PHF21B: variants seen among roughly 807,000 people sequenced by gnomAD.
The protein encoded by PHF21B is PHD finger protein 21B, also known as PHD finger protein 4.
A neutral mutation model predicts 62.2 loss-of-function variants in PHF21B; 22 were observed. The ratio of observed to expected loss-of-function variants is 0.35; its 90% CI spans 0.25 to 0.51. The LOEUF is 0.51. Ranked by LOEUF, PHF21B falls within the 20% of genes least tolerant of loss-of-function variation. The pLI is 0.97. For synonymous variants in PHF21B, 341 were observed against 314.7 expected, an observed-to-expected ratio of 1.08 and a Z score of -0.88; for missense variants, 701 against 707.9, an observed-to-expected ratio of 0.99 and a Z score of 0.11.
chr22:44,925,688 C>T (rs1601605494), intron 2 of PHF21B, among the ~76,000 whole-genome samples: 2 of 152,348 alleles, frequency 1.3e-5, no homozygotes, highest in South Asian at 4.1e-4. Context: ...TTGGCTGGCA[C>T]AGCCTGGCGG....
chr22:44,988,838 C>T (rs1393067148), intron 2 of PHF21B, among the ~76,000 whole-genome samples: 1 of 152,202 alleles, frequency 6.6e-6, no homozygotes, highest in Non-Finnish European at 1.5e-5. Context: ...CTACTGCTCA[C>T]AGTTCTGGAG....
chr22:44,995,189 T>C (rs1021223993), intron 2 of PHF21B, among the ~76,000 whole-genome samples: 3 of 152,056 alleles, frequency 2.0e-5, no homozygotes, highest in Non-Finnish European at 4.4e-5. Context: ...CAGGATGTAA[T>C]AAAATGTGTT....
Position 44,900,106 on chromosome 22 carries a change from TCTC to T in PHF21B, c.832-4026_832-4024del, listed in dbSNP as rs200780799. On this transcript the variant is annotated intron_variant, in intron 5 of 12. Transcript: ENST00000313237. Reference sequence around the variant, plus strand: ...CCACTTCCCACCTTCTTTCCCTCCTTCTCCTCTCAATTTTACTTACATGAATCT... The same window carrying T: ...CCACTTCCCACCTTCTTTCCCTCCTTCTCTCAATTTTACTTACATGAATCT... Among the ~76,000 whole-genome samples, 30 of 152,218 alleles carry T rather than the reference TCTC, an allele frequency of 2.0e-4. 1 individual carries two copies. In the East Asian group the frequency reaches 5.2e-3, roughly 26 times the overall value.
intron 2 of PHF21B, among the ~76,000 whole-genome samples, chr22:44,968,075 G>T (rs2072563928): frequency 6.6e-6 from 1 of 152,104 alleles, no homozygotes; most frequent in Non-Finnish European, 1.5e-5. Context: ...GTGACTGTCA[G>T]GCGTCTTCAG....
intron 4 of PHF21B, 66 bp from the exon 5 acceptor site, chr22:44,914,154 G>T: frequency 1.7e-6 from 1 of 574,334 alleles, no homozygotes; most frequent in South Asian, 2.1e-5. Context: ...GAGGTAGCTG[G>T]TATGGCACAG....
At chr22:44,958,390 T>G (rs1463988196) in intron 2 of PHF21B, among the ~76,000 whole-genome samples, 1 of 152,202 alleles carries the variant, frequency 6.6e-6, no homozygotes, top group African/African-American at 2.4e-5. Flanking sequence ...CTCCGAGAGC[T>G]TTCTCAACCC....
intron 2 of PHF21B, among the ~76,000 whole-genome samples, chr22:44,947,603 T>C (rs1216015460): frequency 1.3e-5 from 2 of 152,166 alleles, no homozygotes; most frequent in Admixed American, 6.5e-5. Flanking sequence ...AGGCACCAAA[T>C]TCTGCCTCTC....
chr22:44,934,706 C>T (rs902874485), intron 2 of PHF21B, among the ~76,000 whole-genome samples: 1 of 152,098 alleles, frequency 6.6e-6, no homozygotes, highest in African/African-American at 2.4e-5. Context: ...CCTGGAGTCC[C>T]CTGAGTCTGG....
intron 1 of PHF21B, 151 bp from the exon 2 acceptor site, chr22:45,008,761 G>T: frequency 8.7e-7 from 1 of 1,149,186 alleles, no homozygotes; most frequent in Non-Finnish European, 1.1e-6. Flanking sequence ...CTGCACGCGC[G>T]GCGGCCGGGC....
intron 2 of PHF21B, among the ~76,000 whole-genome samples, chr22:44,997,967 C>T (rs1300672123): frequency 6.6e-6 from 1 of 152,232 alleles, no homozygotes; most frequent in African/African-American, 2.4e-5. Context: ...CACAGCTGGC[C>T]CCTACCCTCA....
intron 2 of PHF21B, among the ~76,000 whole-genome samples, chr22:44,966,800 A>G (rs1261699398): frequency 6.6e-6 from 1 of 152,202 alleles, no homozygotes; most frequent in Non-Finnish European, 1.5e-5. Flanking sequence ...TCCAAGATGG[A>G]AAAGGTAGCA....
At chr22:44,900,423 C>T (rs535862018) in intron 5 of PHF21B, among the ~76,000 whole-genome samples, 1 of 152,262 alleles carries the variant, frequency 6.6e-6, no homozygotes, top group East Asian at 1.9e-4. Context: ...GCCTCAGTCT[C>T]CCGAGTAGCT....
intron 2 of PHF21B, among the ~76,000 whole-genome samples, chr22:44,943,267 A>G (rs1310277777): frequency 1.3e-5 from 2 of 152,086 alleles, no homozygotes; most frequent in Non-Finnish European, 2.9e-5. Context: ...CCTGTCCCCC[A>G]GTAGCACAGC....
At position 44,944,456 on chromosome 22, in the gene PHF21B, G is replaced by A. The variant is rs117965326; in HGVS notation, c.121-23966C>T. On this transcript the variant is annotated intron_variant, in intron 2 of 12. Coordinates refer to ENST00000313237, the MANE Select transcript of PHF21B (RefSeq NM_138415.5). ...CACCCTCTGGATTCTGGGAGCTATCGAGACTTAATGAGGGCCACCTGGAGG... is the reference window on the plus strand; with the variant it reads ...CACCCTCTGGATTCTGGGAGCTATCAAGACTTAATGAGGGCCACCTGGAGG... 4.5e-3 allele frequency among the ~76,000 whole-genome samples: 678 copies of A among 152,244 alleles called. 5 individuals are homozygous for A. The highest frequency in any genetic ancestry group is 6.0e-3 in the Non-Finnish European group (406 of 68,020).
chr22:44,926,623 G>A (rs953187218), intron 2 of PHF21B, among the ~76,000 whole-genome samples: 15 of 152,232 alleles, frequency 9.9e-5, no homozygotes, highest in African/African-American at 2.7e-4. Flanking sequence ...TGAGGAGGCC[G>A]AGGACAGCCA....
At chr22:44,964,476 CTCCGA>C (rs2072486249) in intron 2 of PHF21B, among the ~76,000 whole-genome samples, 1 of 151,404 alleles carries the variant, frequency 6.6e-6, no homozygotes, top group African/African-American at 2.4e-5. Flanking sequence ...ACTCCCAAAC[CTCCGA>C]TCTTCAGCAG....
chr22:44,928,735 G>A (rs1324372036), intron 2 of PHF21B, among the ~76,000 whole-genome samples: 4 of 152,192 alleles, frequency 2.6e-5, no homozygotes, highest in Admixed American at 6.5e-5. Context: ...AAGAAACCAG[G>A]ACAATTGTCT....
intron 2 of PHF21B, among the ~76,000 whole-genome samples, chr22:44,932,735 G>A (rs1053643498): frequency 1.3e-5 from 2 of 152,246 alleles, no homozygotes; most frequent in Non-Finnish European, 2.9e-5. Flanking sequence ...GGCCCAGCAG[G>A]TGCTCCTCTC....
chr22:44,962,533 C>T (rs955905848), intron 2 of PHF21B, among the ~76,000 whole-genome samples: 1 of 152,158 alleles, frequency 6.6e-6, no homozygotes, highest in African/African-American at 2.4e-5. Flanking sequence ...GATCAAAATT[C>T]GAAGTATGTT....
Sources: gnomAD v4.1 joint callset for allele counts (sites outside exome capture counted in the v4.1 genomes callset) on GRCh38, gnomAD v4.1.1 for gene constraint, MANE v1.5 for transcripts, NCBI Gene and HGNC (gene_info 2026-07-23, HGNC 2026-07-21) for gene names.